The following MAP2 variants were observed in gnomAD, a reference collection of about 807,000 sequenced individuals.
The protein encoded by MAP2 is microtubule associated protein 2, also known as microtubule-associated protein 2.
Under a neutral mutation model 137.6 loss-of-function variants are expected in MAP2, and 14 were observed. That is an observed-to-expected ratio of 0.10 (90% CI 0.07 to 0.16). The LOEUF is 0.16. Ranked by LOEUF, MAP2 falls within the 10% of genes least tolerant of loss-of-function variation. The probability of loss-of-function intolerance (pLI) is 1.00; values close to 1 mark genes in which losing one functional copy is unlikely to be tolerated. For synonymous variants in MAP2, 786 were observed against 782.3 expected, an observed-to-expected ratio of 1.00 and a Z score of -0.08; for missense variants, 2,088 against 2,191.5, an observed-to-expected ratio of 0.95 and a Z score of 0.94.
intron 1 of MAP2, among the ~76,000 whole-genome samples, chr2:209,455,477 G>C (rs1298016648): frequency 6.6e-6 from 1 of 152,152 alleles, no homozygotes; most frequent in Non-Finnish European, 1.5e-5. Context: ...ATGATAACCA[G>C]AGTGAAAGGT....
At chr2:209,588,958 T>C (rs1188287956) in intron 3 of MAP2, among the ~76,000 whole-genome samples, 1 of 152,186 alleles carries the variant, frequency 6.6e-6, no homozygotes, top group Non-Finnish European at 1.5e-5. Context: ...ATTCTGGCTG[T>C]ACTTTTCCTC....
intron 4 of MAP2, among the ~76,000 whole-genome samples, chr2:209,639,628 C>T (rs1185300386): frequency 1.3e-5 from 2 of 152,106 alleles, no homozygotes; most frequent in Admixed American, 6.6e-5. Context: ...GCATCCATGG[C>T]CTTCAGGACA....
At chr2:209,700,230 C>G (rs2153733746) in intron 10 of MAP2, 47 bp from the exon 11 acceptor site, 1 of 1,536,830 alleles carries the variant, frequency 6.5e-7, no homozygotes, top group Non-Finnish European at 9.0e-7. Flanking sequence ...GCATTTATGA[C>G]TTTTTAGCAA....
intron 1 of MAP2, among the ~76,000 whole-genome samples, chr2:209,436,087 A>G (rs1696195251): frequency 6.8e-6 from 1 of 147,382 alleles, no homozygotes; most frequent in Non-Finnish European, 1.5e-5. Flanking sequence ...ATTTCTATTT[A>G]ATTCCTTCTA....
At chr2:209,512,173 T>C (rs1163986839) in intron 2 of MAP2, among the ~76,000 whole-genome samples, 1 of 152,136 alleles carries the variant, frequency 6.6e-6, no homozygotes, top group Non-Finnish European at 1.5e-5. Context: ...GTCTTAAAAA[T>C]TGTAACTTTT....
intron 5 of MAP2, chr2:209,661,438 T>C (rs2043581661): frequency 2.6e-5 from 23 of 876,926 alleles, no homozygotes; most frequent in Non-Finnish European, 3.0e-5. Context: ...CACTCATTGC[T>C]CTGGCTGCCA....
intron 4 of MAP2, among the ~76,000 whole-genome samples, chr2:209,639,781 T>C (rs991098393): frequency 6.6e-6 from 1 of 151,880 alleles, no homozygotes; most frequent in Admixed American, 6.6e-5. Context: ...TGGTTGTTAA[T>C]GTTGTTCATT....
intron 5 of MAP2, chr2:209,661,668 A>T (rs2043688231): frequency 1.5e-5 from 15 of 985,346 alleles, no homozygotes; most frequent in Non-Finnish European, 1.8e-5. Flanking sequence ...TAGAAAAGGC[A>T]GTTCCACGAG....
In MAP2 at chr2:209,700,352, G is replaced by C. The variant is rs563571494; in HGVS notation, c.4584+14G>C. ...GACAAAGTCTCTGTGAGTAAAATAAGTTTTTCCTTGTTCTTCATTTGAAGT... is the reference window on the plus strand; with the variant it reads ...GACAAAGTCTCTGTGAGTAAAATAACTTTTTCCTTGTTCTTCATTTGAAGT... On this transcript the variant is annotated intron_variant, in intron 11 of 15. Transcript: ENST00000682079. 2 of 1,599,236 alleles carry C rather than the reference G, an allele frequency of 1.3e-6. No homozygotes were observed. The highest frequency in any genetic ancestry group is 2.2e-5 in the East Asian group (1 of 44,550).
rs541843841 is a variant in MAP2, at chr2:209,645,456, T to A, written c.-29-7686T>A. ...GAAGAAGAACAAAGGAGAAATACTT[T>A]AAAAAAAAAACTAAGTAATTTATTC... On this transcript the variant is annotated intron_variant, in intron 4 of 15. Transcript: ENST00000682079. Among the ~76,000 whole-genome samples, 199 of 150,024 alleles carry A rather than the reference T, an allele frequency of 1.3e-3. 2 individuals are homozygous for A. The highest frequency in any genetic ancestry group is 4.6e-3 in the African/African-American group (189 of 41,020).
chr2:209,545,708 A>T lies in MAP2; in HGVS notation c.-171-34328A>T, dbSNP rs975470901. 3.3e-5 allele frequency among the ~76,000 whole-genome samples: 5 copies of T among 152,338 alleles called. No homozygotes were observed. The South Asian group carries it at 1.0e-3, about 32-fold the overall frequency. ...TTAACAGTTTTAACTACTTATTTTT[A>T]AAAAAGAAGTTCAGGATCTTTTTGT... On this transcript the variant is annotated intron_variant, in intron 2 of 15. Transcript: ENST00000682079.
intron 2 of MAP2, among the ~76,000 whole-genome samples, chr2:209,540,388 C>T (rs1001050292): frequency 6.6e-6 from 1 of 151,316 alleles, no homozygotes; most frequent in African/African-American, 2.4e-5. Context: ...AATCCCAGCA[C>T]TTTGGAAGGC....
chr2:209,465,413 G>A (rs1484202579), intron 1 of MAP2, among the ~76,000 whole-genome samples: 1 of 143,350 alleles, frequency 7.0e-6, no homozygotes. Flanking sequence ...CAAAATAATT[G>A]CATATAACAT....
chr2:209,523,834 C>G lies in MAP2; in HGVS notation c.-172+16193C>G, dbSNP rs141187954. ...AGTGTTGTTTATAATTTAAACATAACTTTTATAAAACTCTATTTTGAAAAG... is the reference window on the plus strand; with the variant it reads ...AGTGTTGTTTATAATTTAAACATAAGTTTTATAAAACTCTATTTTGAAAAG... On this transcript the variant is annotated intron_variant, in intron 2 of 15. Transcript: ENST00000682079. Among the ~76,000 whole-genome samples, 22 of 152,188 alleles carry G rather than the reference C, an allele frequency of 1.4e-4. No individual in the cohort carries two copies. The East Asian group carries it at 4.1e-3, about 28-fold the overall frequency.
At chr2:209,686,061 G>C (rs1164518424) in intron 7 of MAP2, among the ~76,000 whole-genome samples, 1 of 152,196 alleles carries the variant, frequency 6.6e-6, no homozygotes, top group Non-Finnish European at 1.5e-5. Context: ...CAGCCCCAGA[G>C]ATCCACTGAG....
Position 209,680,742 on chromosome 2 carries a change from A to G in MAP2, c.377-8A>G. 6.2e-7 allele frequency: 1 copy of G among 1,612,040 alleles called. No homozygotes were observed. Among genetic ancestry groups the G allele is most frequent in the Non-Finnish European group, 8.5e-7 (1 of 1,178,262 alleles). On this transcript the variant is annotated splice_region_variant and splice_polypyrimidine_tract_variant and intron_variant, in intron 6 of 15. Transcript: ENST00000682079. Reference sequence around the variant, plus strand: ...TTGCATCTCATTTTTCTATTGTTTGATCTTTAGCAGCTGAAGAAACAGCTA... The same window carrying G: ...TTGCATCTCATTTTTCTATTGTTTGGTCTTTAGCAGCTGAAGAAACAGCTA...
chr2:209,691,253 T>G (rs1328449849), intron 7 of MAP2, among the ~76,000 whole-genome samples: 2 of 152,084 alleles, frequency 1.3e-5, no homozygotes, highest in African/African-American at 4.8e-5. Flanking sequence ...ACAGTTGGAT[T>G]TTGGCACATA....
At chr2:209,563,803 T>C (rs1181424928) in intron 2 of MAP2, among the ~76,000 whole-genome samples, 1 of 152,242 alleles carries the variant, frequency 6.6e-6, no homozygotes, top group Non-Finnish European at 1.5e-5. Flanking sequence ...ACAGGTGTCT[T>C]ATTCACTTTA....
At chr2:209,671,791 T>A (rs79227019) in intron 5 of MAP2, among the ~76,000 whole-genome samples, 3,170 of 151,950 alleles carry the variant, frequency 0.021, 101 homozygotes, top group African/African-American at 0.07. Context: ...GGATTTTTTT[T>A]ATTCACAGTC....
Sources: gnomAD v4.1 joint callset for allele counts (sites outside exome capture counted in the v4.1 genomes callset) on GRCh38, gnomAD v4.1.1 for gene constraint, MANE v1.5 for transcripts, NCBI Gene and HGNC (gene_info 2026-07-23, HGNC 2026-07-21) for gene names.